DLG2: variants seen among roughly 807,000 people sequenced by gnomAD.
DLG2 encodes the protein disks large homolog 2.
Under a neutral mutation model 132.5 loss-of-function variants are expected in DLG2, and 45 were observed. That is an observed-to-expected ratio of 0.34 (90% CI 0.27 to 0.44). DLG2 has a LOEUF of 0.44. Among genes scored for constraint, DLG2 ranks in the 20% least tolerant of loss-of-function variants. DLG2 has a pLI of 1.00. For missense variants in DLG2, 1,045 were observed against 1,196.9 expected (o/e 0.87, Z 1.87); for synonymous variants, 424 against 419.6 (o/e 1.01, Z -0.13).
chr11:83,897,894 T>A (rs1284446288), intron 15 of DLG2, among the ~76,000 whole-genome samples: 1 of 152,204 alleles, frequency 6.6e-6, no homozygotes, highest in African/African-American at 2.4e-5. Context: ...TCTTATTTAA[T>A]CCTCCTGATG....
At chr11:84,311,632 A>C (rs2098288349) in intron 7 of DLG2, among the ~76,000 whole-genome samples, 1 of 152,240 alleles carries the variant, frequency 6.6e-6, no homozygotes, top group Admixed American at 6.5e-5. Flanking sequence ...GCTGTCTTAC[A>C]AACAGAGAAA....
chr11:85,232,700 T>C (rs1044292205), intron 4 of DLG2, among the ~76,000 whole-genome samples: 2 of 151,922 alleles, frequency 1.3e-5, no homozygotes, highest in African/African-American at 4.8e-5. Context: ...TCAGGAAAAA[T>C]TGACATCACT....
chr11:84,739,162 C>A (rs1195888884), intron 6 of DLG2, among the ~76,000 whole-genome samples: 2 of 151,992 alleles, frequency 1.3e-5, no homozygotes, highest in African/African-American at 4.8e-5. Flanking sequence ...AAATTTACAT[C>A]AAGTTGTATA....
chr11:84,326,757 CCT>C (rs2098435176), intron 7 of DLG2, among the ~76,000 whole-genome samples: 1 of 152,082 alleles, frequency 6.6e-6, no homozygotes, highest in African/African-American at 2.4e-5. Flanking sequence ...TCATTCAAGT[CCT>C]CTGTTTCCTT....
intron 19 of DLG2, among the ~76,000 whole-genome samples, chr11:83,631,028 C>T (rs987977309): frequency 3.9e-5 from 6 of 152,022 alleles, no homozygotes; most frequent in South Asian, 4.1e-4. Flanking sequence ...CACAACTGAC[C>T]GTGGTCCTAT....
At chr11:85,250,789 A>C (rs776104479) in intron 4 of DLG2, among the ~76,000 whole-genome samples, 1 of 152,208 alleles carries the variant, frequency 6.6e-6, no homozygotes, top group Admixed American at 6.5e-5. Context: ...TCCCTTAGAC[A>C]AGCTCTCTCC....
chr11:84,071,328 C>T (rs935304413), intron 10 of DLG2, among the ~76,000 whole-genome samples: 25 of 151,988 alleles, frequency 1.6e-4, no homozygotes, highest in African/African-American at 4.8e-4. Flanking sequence ...TGGTCACAAA[C>T]TCCTGAGCTC....
intron 6 of DLG2, among the ~76,000 whole-genome samples, chr11:84,746,481 A>G (rs2153830144): frequency 6.6e-6 from 1 of 151,948 alleles, no homozygotes; most frequent in African/African-American, 2.4e-5. Flanking sequence ...TTACAGAGTT[A>G]GAAACGTGAA....
At chr11:85,144,513 C>G (rs1253313825) in intron 5 of DLG2, among the ~76,000 whole-genome samples, 1 of 151,630 alleles carries the variant, frequency 6.6e-6, no homozygotes, top group African/African-American at 2.4e-5. Context: ...TCCTTCCTGT[C>G]TTCCTTTGTG....
rs187309569 is a variant in DLG2, at chr11:83,906,432, G to A, written c.1496+23896C>T. Among the ~76,000 whole-genome samples, 454 of 152,044 alleles carry A rather than the reference G, an allele frequency of 3.0e-3. 3 individuals carry two copies. Among genetic ancestry groups the A allele is most frequent in the African/African-American group, 0.011 (438 of 41,506 alleles). ...GTTCGGGAGATAGGGGAGCACGGAA[G>A]TATAATAGGACTATTTACAATATGG... is the stretch of plus-strand genomic sequence containing the variant. On this transcript the variant is annotated intron_variant, in intron 15 of 27. Transcript: ENST00000376104.
chr11:85,101,740 G>A (rs958160209), intron 6 of DLG2, among the ~76,000 whole-genome samples: 3 of 152,006 alleles, frequency 2.0e-5, no homozygotes, highest in Non-Finnish European at 4.4e-5. Flanking sequence ...GCTCTGTCAC[G>A]AAACCATCTC....
intron 3 of DLG2, among the ~76,000 whole-genome samples, chr11:85,544,943 A>C (rs1271900106): frequency 6.6e-6 from 1 of 152,194 alleles, no homozygotes; most frequent in East Asian, 1.9e-4. Flanking sequence ...GCACAGAAAC[A>C]ATTTGACTTC....
At chr11:84,325,986 C>G (rs1489240693) in intron 7 of DLG2, among the ~76,000 whole-genome samples, 3 of 151,948 alleles carry the variant, frequency 2.0e-5, no homozygotes, top group African/African-American at 7.2e-5. Context: ...TTATATGTTT[C>G]TAGGAATTTG....
chr11:85,040,448 T>C lies in DLG2; in HGVS notation c.357+71213A>G, dbSNP rs541131122. Among the ~76,000 whole-genome samples the C allele has an allele frequency of 2.2e-4, 34 of 152,102 alleles. 3 individuals are homozygous for C. Among genetic ancestry groups the C allele is most frequent in the African/African-American group, 8.2e-4 (34 of 41,558 alleles). On this transcript the variant is annotated intron_variant, in intron 6 of 27. Coordinates refer to ENST00000376104, the MANE Select transcript of DLG2 (RefSeq NM_001142699.3). ...ATATCTACTCATGGCATGATGATAA[T>C]TCTGCAACAAAATGAATGATCTTGC...
At chr11:85,341,517 A>G (rs2082502291) in intron 3 of DLG2, among the ~76,000 whole-genome samples, 1 of 152,102 alleles carries the variant, frequency 6.6e-6, no homozygotes, top group South Asian at 2.1e-4. Flanking sequence ...TATCTTGCCT[A>G]ATTGCATTGG....
chr11:84,513,419 T>C (rs1373285434), intron 7 of DLG2, among the ~76,000 whole-genome samples: 1 of 151,966 alleles, frequency 6.6e-6, no homozygotes, highest in East Asian at 1.9e-4. Flanking sequence ...AGGAATCACA[T>C]TACCCGACTT....
intron 7 of DLG2, among the ~76,000 whole-genome samples, chr11:84,263,557 TAA>T (rs1050034884): frequency 2.6e-5 from 4 of 152,122 alleles, no homozygotes; most frequent in African/African-American, 9.7e-5. Flanking sequence ...CTCTTCTATA[TAA>T]AGAGTAAAAA....
chr11:84,646,095 C>A (rs1236593332), intron 6 of DLG2, among the ~76,000 whole-genome samples: 1 of 152,096 alleles, frequency 6.6e-6, no homozygotes, highest in Admixed American at 6.5e-5. Flanking sequence ...CCATAAAAAG[C>A]AAAGCTGTGG....
chr11:84,019,191 A>G (rs1367160342), intron 11 of DLG2, among the ~76,000 whole-genome samples: 3 of 152,100 alleles, frequency 2.0e-5, no homozygotes, highest in East Asian at 3.9e-4. Flanking sequence ...TGCATACACA[A>G]TATGCCGTTC....
Sources: gnomAD v4.1 joint callset for allele counts (sites outside exome capture counted in the v4.1 genomes callset) on GRCh38, gnomAD v4.1.1 for gene constraint, MANE v1.5 for transcripts, NCBI Gene and HGNC (gene_info 2026-07-23, HGNC 2026-07-21) for gene names.